The following AGPS variants were observed in gnomAD, a reference collection of about 807,000 sequenced individuals.
AGPS encodes the protein alkylglycerone phosphate synthase.
In AGPS, 26 loss-of-function variants were observed where a neutral mutation model predicts 90.7. That is an observed-to-expected ratio of 0.29 (90% confidence interval 0.21 to 0.40). AGPS has a LOEUF of 0.40. Ranked by LOEUF, AGPS falls within the 10% of genes least tolerant of loss-of-function variation. AGPS has a pLI of 1.00. For synonymous variants in AGPS, 294 were observed against 285.3 expected, an observed-to-expected ratio of 1.03 and a Z score of -0.31; for missense variants, 540 against 816.1, an observed-to-expected ratio of 0.66 and a Z score of 4.12.
chr2:177,417,758 A>G (rs938477035), intron 1 of AGPS, among the ~76,000 whole-genome samples: 3 of 152,188 alleles, frequency 2.0e-5, no homozygotes, highest in African/African-American at 7.2e-5. Flanking sequence ...GTGACTATAT[A>G]AAGTTTTACT....
intron 16 of AGPS, among the ~76,000 whole-genome samples, chr2:177,509,183 C>G (rs1441143860): frequency 1.3e-5 from 2 of 152,136 alleles, no homozygotes; most frequent in Non-Finnish European, 2.9e-5. Flanking sequence ...TGTTCGTATT[C>G]CATGCATTGT....
At chr2:177,403,094 C>T (rs543776646) in intron 1 of AGPS, among the ~76,000 whole-genome samples, 1 of 152,136 alleles carries the variant, frequency 6.6e-6, no homozygotes, top group South Asian at 2.1e-4. Flanking sequence ...ACTTCATCTA[C>T]CCAGGTTTGC....
At chr2:177,527,917 A>G (rs776964041) in intron 19 of AGPS, among the ~76,000 whole-genome samples, 1 of 152,196 alleles carries the variant, frequency 6.6e-6, no homozygotes, top group Non-Finnish European at 1.5e-5. Flanking sequence ...CCGCATGGAA[A>G]CAGACTCTGA....
Position 177,502,970 on chromosome 2 carries a change from G to C in AGPS, c.1476-2536G>C, listed in dbSNP as rs189442288. Among the ~76,000 whole-genome samples the C allele has an allele frequency of 2.6e-5, 4 of 152,158 alleles. No homozygotes were observed. The East Asian group carries it at 7.7e-4, about 29-fold the overall frequency. On this transcript the variant is annotated intron_variant, in intron 14 of 19. Coordinates refer to ENST00000264167, the MANE Select transcript of AGPS (RefSeq NM_003659.4). ...GCTACAGTTTTCATGTGCTAGTTTA[G>C]CTCATGTATTTTATTTTGAATTGGG...
In AGPS at chr2:177,514,168, T is replaced by C. The variant is rs564305650; in HGVS notation, c.1697+260T>C. On this transcript the variant is annotated intron_variant, in intron 17 of 19. Coordinates refer to ENST00000264167, the MANE Select transcript of AGPS (RefSeq NM_003659.4). ...TGGCATGGCAGTGAAGAGCCAGGTG[T>C]CTGGACTCCTGGAAAAAGAAGAGGA... Among the ~76,000 whole-genome samples the C allele has an allele frequency of 2.3e-4, 35 of 152,226 alleles. No homozygotes were observed. The Middle Eastern group carries it at 0.01, about 44-fold the overall frequency.
At chr2:177,537,419 G>T (rs916877043) in intron 19 of AGPS, among the ~76,000 whole-genome samples, 1 of 152,026 alleles carries the variant, frequency 6.6e-6, no homozygotes. Context: ...GATGGATTAG[G>T]TATTTGATTT....
chr2:177,397,538 T>C (rs1198616118), intron 1 of AGPS, among the ~76,000 whole-genome samples: 1 of 152,078 alleles, frequency 6.6e-6, no homozygotes, highest in Non-Finnish European at 1.5e-5. Context: ...TTAACTTTCA[T>C]TCTTCCACAC....
Position 177,497,689 on chromosome 2 carries a change from G to A in AGPS, c.1286G>A (p.Gly429Asp). 6.4e-7 allele frequency: 1 copy of A among 1,563,416 alleles called. No individual in the cohort carries two copies. The highest frequency in any genetic ancestry group is 8.7e-7 in the Non-Finnish European group (1 of 1,145,618). ...RLMDNKQFQF[G>D]HALKPQVSSI... ...AATATAAACTTTTTTCTCTTCTTAG[G>A]TCATGCTCTTAAACCTCAGGTTTCC... is the stretch of plus-strand genomic sequence containing the variant. The change falls in exon 13 of 20, where the codon GGT becomes GAT. Residue 429 changes from glycine (G) to aspartate (D), a missense_variant and splice_region_variant. By Grantham distance (94) the Gly-to-Asp change is moderately conservative (BLOSUM62 -1). This residue lies in a region of AGPS where 405 missense variants were observed against 692.1 expected (regional missense o/e 0.59). Transcript: ENST00000264167.
At position 177,420,341 on chromosome 2, in the gene AGPS, T is replaced by C; in HGVS notation, c.333T>C (p.Ile111=). Residue 111 remains isoleucine, a synonymous_variant, in exon 2 of 20, where the codon ATT becomes ATC. Coordinates refer to ENST00000264167, the MANE Select transcript of AGPS (RefSeq NM_003659.4). ...TCATCTTCAATAAGAAGGGCCAAAT[T>C]GAATTGACTGGGAAAAGGTAACCCT... ...SKFIFNKKGQ[I]ELTGKRYPLS... is the part of the protein sequence containing the mutation. 8 of 1,607,450 alleles carry C rather than the reference T, an allele frequency of 5.0e-6. No individual in the cohort carries two copies. Among genetic ancestry groups the C allele is most frequent in the Non-Finnish European group, 6.8e-6 (8 of 1,174,486 alleles).
chr2:177,410,274 G>A (rs1253016502), intron 1 of AGPS, among the ~76,000 whole-genome samples: 3 of 152,044 alleles, frequency 2.0e-5, no homozygotes, highest in East Asian at 1.9e-4. Context: ...TTTCCCTTTC[G>A]TTTCCTTTCT....
At chr2:177,454,186 G>A (rs930832933) in intron 8 of AGPS, among the ~76,000 whole-genome samples, 3 of 151,116 alleles carry the variant, frequency 2.0e-5, no homozygotes, top group East Asian at 2.0e-4. Context: ...CCCCCTCCCC[G>A]CTGACCTTTA....
intron 19 of AGPS, among the ~76,000 whole-genome samples, chr2:177,535,077 T>C (rs2079171975): frequency 6.6e-6 from 1 of 152,168 alleles, no homozygotes; most frequent in Non-Finnish European, 1.5e-5. Flanking sequence ...GTGTTGACTC[T>C]CAGGCTAGAT....
chr2:177,411,009 T>G (rs1209372691), intron 1 of AGPS, among the ~76,000 whole-genome samples: 1 of 152,164 alleles, frequency 6.6e-6, no homozygotes, highest in East Asian at 1.9e-4. Context: ...GCATTCAACT[T>G]GCCCAGCCTT....
intron 19 of AGPS, among the ~76,000 whole-genome samples, chr2:177,529,563 T>A (rs2079119087): frequency 6.6e-6 from 1 of 152,202 alleles, no homozygotes; most frequent in African/African-American, 2.4e-5. Context: ...TAGAGGGTCA[T>A]ATTTAGTCAT....
chr2:177,392,987 G>T lies in AGPS; in HGVS notation c.198G>T (p.Ala66=). ...NECKARRAAS[A]ATAAPTATPA... ...GCAAAGCGCGGAGAGCCGCGTCGGC[G>T]GCCACGGCAGCGCCCACGGCCACTC... is the stretch of plus-strand genomic sequence containing the variant. The change falls in exon 1 of 20, where the codon GCG becomes GCT. Residue 66 remains alanine (A), a synonymous_variant. Coordinates refer to ENST00000264167, the MANE Select transcript of AGPS (RefSeq NM_003659.4). 2 of 1,550,056 alleles carry T rather than the reference G, an allele frequency of 1.3e-6. No individual in the cohort carries two copies. Among genetic ancestry groups the T allele is most frequent in the Non-Finnish European group, 1.7e-6 (2 of 1,146,642 alleles).
At chr2:177,399,861 T>C (rs1257468092) in intron 1 of AGPS, among the ~76,000 whole-genome samples, 1 of 152,220 alleles carries the variant, frequency 6.6e-6, no homozygotes. Flanking sequence ...GTGTACTTTT[T>C]TGTGTTTGGC....
chr2:177,442,063 A>G (rs993836212), intron 6 of AGPS, among the ~76,000 whole-genome samples: 1 of 151,978 alleles, frequency 6.6e-6, no homozygotes, highest in African/African-American at 2.4e-5. Flanking sequence ...TTTTTCTTTT[A>G]AGCTACCTCT....
chr2:177,478,356 T>A (rs1687841666), intron 10 of AGPS, among the ~76,000 whole-genome samples: 1 of 152,230 alleles, frequency 6.6e-6, no homozygotes, highest in Non-Finnish European at 1.5e-5. Context: ...CTGTTTGAAA[T>A]TTGTTGAGCT....
chr2:177,488,620 A>G (rs938677724), intron 11 of AGPS, among the ~76,000 whole-genome samples: 29 of 152,184 alleles, frequency 1.9e-4, no homozygotes, highest in Non-Finnish European at 4.4e-5. Flanking sequence ...AGGATGTTGC[A>G]TATTATGATA....
Sources: allele counts gnomAD v4.1 joint callset (sites outside exome capture counted in the v4.1 genomes callset), GRCh38; gene constraint gnomAD v4.1.1; regional missense constraint gnomAD v4.1.1; transcripts MANE v1.5; gene names NCBI Gene and HGNC (gene_info 2026-07-23, HGNC 2026-07-21).